The following GALNT9 variants were observed in gnomAD, a reference collection of about 807,000 sequenced individuals.
GALNT9 encodes polypeptide N-acetylgalactosaminyltransferase 9.
Under a neutral mutation model 63.1 loss-of-function variants are expected in GALNT9, and 47 were observed. The ratio of observed to expected loss-of-function variants is 0.75; its 90% CI spans 0.59 to 0.95. The LOEUF (loss-of-function observed/expected upper bound fraction) is 0.95, where lower values mean the gene tolerates loss of function less well. GALNT9 is among the 40% of genes least tolerant of loss of function. The probability of loss-of-function intolerance (pLI) is 0.00; values close to 1 mark genes in which losing one functional copy is unlikely to be tolerated. For synonymous variants in GALNT9, 396 were observed against 365.7 expected, an observed-to-expected ratio of 1.08 and a Z score of -0.94; for missense variants, 829 against 874.8, an observed-to-expected ratio of 0.95 and a Z score of 0.66.
intron 6 of GALNT9, among the ~76,000 whole-genome samples, chr12:132,212,138 G>A (rs1162912475): frequency 6.6e-5 from 10 of 150,780 alleles, no homozygotes; most frequent in African/African-American, 1.2e-4. Flanking sequence ...AACCCCACCC[G>A]GGTCTACAGC....
intron 1 of GALNT9, among the ~76,000 whole-genome samples, chr12:132,299,021 C>T (rs890363675): frequency 6.7e-6 from 1 of 148,598 alleles, no homozygotes; most frequent in African/African-American, 2.5e-5. Flanking sequence ...GATGACCAAG[C>T]CACTCCTGAG....
intron 1 of GALNT9, among the ~76,000 whole-genome samples, chr12:132,292,910 TAGAA>T (rs1462213938): frequency 2.0e-5 from 3 of 150,930 alleles, no homozygotes; most frequent in Non-Finnish European, 4.4e-5. Flanking sequence ...CGGAAAATAC[TAGAA>T]AGAGAGACTT....
chr12:132,328,263 G>T (rs530221119), intron 1 of GALNT9, among the ~76,000 whole-genome samples: 1 of 152,214 alleles, frequency 6.6e-6, no homozygotes, highest in East Asian at 1.9e-4. Flanking sequence ...CAGACCCACC[G>T]GGAGCTGGAG....
intron 3 of GALNT9, 36 bp downstream of exon 3, chr12:132,262,423 C>T (rs1555239858): frequency 3.3e-6 from 5 of 1,529,832 alleles, no homozygotes; most frequent in Admixed American, 4.0e-5. Context: ...CAGGCAGCCG[C>T]CCGGCGAGCA....
chr12:132,320,384 C>T (rs1027397420), intron 1 of GALNT9, among the ~76,000 whole-genome samples: 3 of 152,222 alleles, frequency 2.0e-5, no homozygotes, highest in African/African-American at 7.2e-5. Context: ...GCCCCCACCT[C>T]GGATCTTTCT....
intron 6 of GALNT9, among the ~76,000 whole-genome samples, chr12:132,217,623 T>G (rs558455194): frequency 1.5e-3 from 211 of 143,800 alleles, no homozygotes; most frequent in African/African-American, 5.2e-3. Flanking sequence ...CATCCATCCA[T>G]CCATTCACCC....
Position 132,327,069 on chromosome 12 carries a change from G to A in GALNT9, c.238+1897C>T, listed in dbSNP as rs933440034. 1.3e-5 allele frequency among the ~76,000 whole-genome samples: 2 copies of A among 152,170 alleles called. No individual in the cohort carries two copies. The highest frequency in any genetic ancestry group is 1.3e-4 in the Admixed American group (2 of 15,274). On this transcript the variant is annotated intron_variant, in intron 1 of 10. Coordinates refer to ENST00000328957, the MANE Select transcript of GALNT9 (RefSeq NM_001122636.2). The surrounding 1 kb of genome is among the most constrained non-coding windows in gnomAD (Gnocchi z 4.3). The stretch of plus-strand genomic sequence containing the variant: ...GCACAGCCTCATCACAGAGGGGGAC[G>A]AAACTCGGCCTCATCAAAAGGTTGA...
rs7487493 is a variant in GALNT9, at chr12:132,203,151, T to G, written c.1263+354A>C. ...GGGGTCCGCACTGGCTGACAGGTGC[T>G]GTGCAGGGCACTAAGTGGGGCCCTG... On this transcript the variant is annotated intron_variant, in intron 7 of 10. Transcript: ENST00000328957. Among the ~76,000 whole-genome samples, 186 of 152,134 alleles carry G rather than the reference T, an allele frequency of 1.2e-3. 1 individual carries two copies. The highest frequency in any genetic ancestry group is 4.4e-3 in the African/African-American group (181 of 41,490).
At chr12:132,302,672 C>T (rs553980357) in intron 1 of GALNT9, among the ~76,000 whole-genome samples, 12 of 152,336 alleles carry the variant, frequency 7.9e-5, no homozygotes, top group South Asian at 4.1e-4. Flanking sequence ...CCAGGGCAGC[C>T]GCTTCCACGC....
chr12:132,259,463 G>A (rs1382661684), intron 4 of GALNT9, among the ~76,000 whole-genome samples: 1 of 152,230 alleles, frequency 6.6e-6, no homozygotes, highest in African/African-American at 2.4e-5. Flanking sequence ...TCGAGGGAAA[G>A]GAAAGCGCCC....
chr12:132,247,228 G>C (rs933749245), intron 6 of GALNT9, among the ~76,000 whole-genome samples: 2 of 151,848 alleles, frequency 1.3e-5, no homozygotes, highest in Non-Finnish European at 2.9e-5. Context: ...AAGCCCGGCC[G>C]AGCTCAGAGC....
At position 132,203,666 on chromosome 12, in the gene GALNT9, C is replaced by T. The variant is rs886401526; in HGVS notation, c.1102G>A (p.Glu368Lys). The change falls in exon 7 of 11, where the codon GAG becomes AAG. Residue 368 changes from glutamate (E) to lysine (K), a missense_variant. Coordinates refer to ENST00000328957, the MANE Select transcript of GALNT9 (RefSeq NM_001122636.2). The stretch of plus-strand genomic sequence containing the variant: ...GCCACGCGGGAGCAGGGCAGCACCT[C>T]CATGCTGCCGCCACACTGCCACACC... ...MRVWQCGGSMEVLPCSRVAHI... is the reference protein window; with the variant it reads ...MRVWQCGGSMKVLPCSRVAHI... 6.8e-6 allele frequency: 11 copies of T among 1,613,096 alleles called. No individual in the cohort carries two copies. Among genetic ancestry groups the T allele is most frequent in the Non-Finnish European group, 9.3e-6 (11 of 1,179,734 alleles).
At chr12:132,213,279 A>G (rs10529859) in intron 6 of GALNT9, among the ~76,000 whole-genome samples, 4,216 of 39,978 alleles carry the variant, frequency 0.11, 567 homozygotes, top group East Asian at 0.27. Context: ...CCTTCAGACC[A>G]TGACACAGAA....
At chr12:132,289,854 C>T (rs1880741249) in intron 1 of GALNT9, among the ~76,000 whole-genome samples, 1 of 152,184 alleles carries the variant, frequency 6.6e-6, no homozygotes, top group African/African-American at 2.4e-5. Context: ...CCTCCTTGGT[C>T]ACAGGCGGGT....
At chr12:132,201,346 G>T in intron 7 of GALNT9, 85 bp from the exon 8 acceptor site, 1 of 895,590 alleles carries the variant, frequency 1.1e-6, no homozygotes, top group South Asian at 1.5e-5. Context: ...GGTCTCCAGG[G>T]ACCAAGTGCC....
intron 7 of GALNT9, among the ~76,000 whole-genome samples, chr12:132,203,136 C>G (rs185464760): frequency 2.6e-5 from 4 of 152,188 alleles, no homozygotes; most frequent in African/African-American, 4.8e-5. Flanking sequence ...GGGGTCCGCA[C>G]TGGCTGACAG....
At chr12:132,301,265 C>T (rs573607379) in intron 1 of GALNT9, among the ~76,000 whole-genome samples, 41 of 152,374 alleles carry the variant, frequency 2.7e-4, no homozygotes, top group African/African-American at 8.7e-4. Context: ...GCCACTAAAC[C>T]ATGGTCGCTC....
intron 6 of GALNT9, among the ~76,000 whole-genome samples, chr12:132,239,647 CAGAGTCAG>C (rs1878165287): frequency 6.7e-6 from 1 of 148,668 alleles, no homozygotes; most frequent in African/African-American, 2.5e-5. Flanking sequence ...GAGTCAGAGA[CAGAGTCAG>C]AGACAGAGAG....
At chr12:132,257,254 G>A (rs1294517175) in intron 5 of GALNT9, among the ~76,000 whole-genome samples, 1 of 152,188 alleles carries the variant, frequency 6.6e-6, no homozygotes, top group Non-Finnish European at 1.5e-5. Context: ...TAACCTTCAA[G>A]CCGTTAGTAC....
Sources: allele counts gnomAD v4.1 joint callset (sites outside exome capture counted in the v4.1 genomes callset), GRCh38; gene constraint gnomAD v4.1.1; non-coding constraint Gnocchi (gnomAD v3.1); transcripts MANE v1.5; gene names NCBI Gene and HGNC (gene_info 2026-07-23, HGNC 2026-07-21).